Variants in PCDH9 observed in about 807,000 individuals in gnomAD.
PCDH9 encodes the protein protocadherin-9.
A neutral mutation model predicts 70.6 loss-of-function variants in PCDH9; 24 were observed. That is an observed-to-expected ratio of 0.34 (90% CI 0.25 to 0.48). The LOEUF (loss-of-function observed/expected upper bound fraction) is 0.48, where lower values mean the gene tolerates loss of function less well. Among genes scored for constraint, PCDH9 ranks in the 20% least tolerant of loss-of-function variants. The pLI, the probability that PCDH9 is intolerant of heterozygous loss-of-function variation, is 0.99. For missense variants in PCDH9, 1,281 were observed against 1,503.6 expected (o/e 0.85, Z 2.45); for synonymous variants, 562 against 558.5 (o/e 1.01, Z -0.09).
At chr13:66,471,948 C>T (rs1166239461) in intron 4 of PCDH9, among the ~76,000 whole-genome samples, 2 of 152,054 alleles carry the variant, frequency 1.3e-5, no homozygotes, top group African/African-American at 2.4e-5. Context: ...CAGTGGTTCG[C>T]GCCTGTAAAC....
At chr13:66,727,867 TAC>T (rs1390257631) in intron 3 of PCDH9, among the ~76,000 whole-genome samples, 4 of 152,160 alleles carry the variant, frequency 2.6e-5, no homozygotes, top group Non-Finnish European at 5.9e-5. Flanking sequence ...TGTTAAGGCA[TAC>T]GTAAACTTAG....
intron 2 of PCDH9, among the ~76,000 whole-genome samples, chr13:66,904,456 A>G (rs2082327292): frequency 6.6e-6 from 1 of 152,000 alleles, no homozygotes; most frequent in Admixed American, 6.6e-5. Flanking sequence ...CCATTTATTA[A>G]ACATAACTTT....
chr13:66,841,893 G>A (rs894421834), intron 3 of PCDH9, among the ~76,000 whole-genome samples: 2 of 152,072 alleles, frequency 1.3e-5, no homozygotes, highest in Non-Finnish European at 2.9e-5. Flanking sequence ...CATTAGTTCC[G>A]GTAAAAGTGA....
intron 4 of PCDH9, among the ~76,000 whole-genome samples, chr13:66,480,125 C>G (rs1050724164): frequency 1.3e-5 from 2 of 152,156 alleles, no homozygotes; most frequent in African/African-American, 4.8e-5. Context: ...CCAACATTAA[C>G]AGGAGTTTGG....
At chr13:67,217,744 T>C (rs776747066) in intron 2 of PCDH9, 3 of 152,082 alleles carry the variant, frequency 2.0e-5, no homozygotes, top group Non-Finnish European at 2.9e-5. Flanking sequence ...TATAGTCTTA[T>C]AGACACCTGG....
At chr13:66,425,663 G>C (rs931981339) in intron 4 of PCDH9, among the ~76,000 whole-genome samples, 1 of 151,620 alleles carries the variant, frequency 6.6e-6, no homozygotes, top group Non-Finnish European at 1.5e-5. Flanking sequence ...GAGGGAACCA[G>C]GTGGATAGAT....
chr13:67,006,597 A>C (rs528855719), intron 2 of PCDH9, among the ~76,000 whole-genome samples: 2 of 152,338 alleles, frequency 1.3e-5, no homozygotes, highest in African/African-American at 4.8e-5. Context: ...CTAGAAGAAG[A>C]AAGCAGATTG....
In PCDH9 at chr13:66,627,272, C is replaced by T. The variant is rs117914141; in HGVS notation, c.3340+3938G>A. Among the ~76,000 whole-genome samples the T allele has an allele frequency of 4.2e-3, 638 of 152,146 alleles. 19 individuals are homozygous for T. The East Asian group carries it at 0.081, about 19-fold the overall frequency. On this transcript the variant is annotated intron_variant, in intron 4 of 4. Coordinates refer to ENST00000377865, the MANE Select transcript of PCDH9 (RefSeq NM_203487.3). ...CAACTCTTCGGGAACTATCAAAGCC[C>T]GGTCAACAAATTCCACTGAATTCAA...
intron 4 of PCDH9, among the ~76,000 whole-genome samples, chr13:66,606,562 G>A (rs891465431): frequency 6.6e-6 from 1 of 152,056 alleles, no homozygotes; most frequent in South Asian, 2.1e-4. Context: ...TAATAGGAAA[G>A]CATAATCAAT....
intron 4 of PCDH9, among the ~76,000 whole-genome samples, chr13:66,478,001 G>C (rs1199081920): frequency 6.6e-6 from 1 of 152,026 alleles, no homozygotes; most frequent in East Asian, 1.9e-4. Flanking sequence ...ATAGTTTGTG[G>C]CAAGCCTGCA....
intron 4 of PCDH9, among the ~76,000 whole-genome samples, chr13:66,496,673 C>T (rs149605735): frequency 6.6e-6 from 1 of 152,178 alleles, no homozygotes; most frequent in East Asian, 1.9e-4. Flanking sequence ...CAATATGGAA[C>T]ATAATGTCAA....
intron 2 of PCDH9, chr13:67,215,969 G>A (rs143307279): frequency 6.6e-6 from 1 of 152,206 alleles, no homozygotes; most frequent in African/African-American, 2.4e-5. Context: ...TGGATTTACT[G>A]AGTTGCCATT....
At chr13:66,684,569 C>A (rs557827138) in intron 3 of PCDH9, among the ~76,000 whole-genome samples, 1 of 152,242 alleles carries the variant, frequency 6.6e-6, no homozygotes, top group East Asian at 1.9e-4. Flanking sequence ...CCCCCTTTCA[C>A]TTGGCACTTC....
chr13:66,957,286 G>T (rs1199248147), intron 2 of PCDH9, among the ~76,000 whole-genome samples: 1 of 152,130 alleles, frequency 6.6e-6, no homozygotes, highest in Non-Finnish European at 1.5e-5. Context: ...TAGCTGCAAT[G>T]AACTTTTTTT....
intron 2 of PCDH9, among the ~76,000 whole-genome samples, chr13:66,969,784 T>A (rs1276150825): frequency 6.6e-6 from 1 of 152,034 alleles, no homozygotes; most frequent in Non-Finnish European, 1.5e-5. Flanking sequence ...GTTTTCTTAA[T>A]ATCAGTTATG....
At chr13:66,846,152 A>AAC (rs397704502) in intron 3 of PCDH9, among the ~76,000 whole-genome samples, 1 of 149,998 alleles carries the variant, frequency 6.7e-6, no homozygotes, top group East Asian at 2.0e-4. Flanking sequence ...AAAAAAAAAA[A>AAC]CAGCTTATAT....
chr13:66,917,653 G>T (rs1037414248), intron 2 of PCDH9, among the ~76,000 whole-genome samples: 1 of 151,284 alleles, frequency 6.6e-6, no homozygotes, highest in South Asian at 2.1e-4. Flanking sequence ...TAGAACATAC[G>T]CAAGACAGAA....
At chr13:66,888,340 T>TA (rs1186182663) in intron 3 of PCDH9, among the ~76,000 whole-genome samples, 7 of 151,388 alleles carry the variant, frequency 4.6e-5, no homozygotes, top group African/African-American at 9.7e-5. Flanking sequence ...GCAAAAAATT[T>TA]AAAAAATAAA....
chr13:67,126,651 C>T (rs2086986842), intron 2 of PCDH9, among the ~76,000 whole-genome samples: 1 of 152,056 alleles, frequency 6.6e-6, no homozygotes, highest in East Asian at 1.9e-4. Context: ...GAGATTGAGA[C>T]CAGCCTAGCC....
Sources: gnomAD v4.1 joint callset for allele counts (sites outside exome capture counted in the v4.1 genomes callset) on GRCh38, gnomAD v4.1.1 for gene constraint, MANE v1.5 for transcripts, NCBI Gene and HGNC (gene_info 2026-07-23, HGNC 2026-07-21) for gene names.